Variants in SCTR observed in about 807,000 individuals in gnomAD.
SCTR encodes the protein pancreatic secretin receptor.
In SCTR, 56 loss-of-function variants were observed where a neutral mutation model predicts 60.8. The observed-to-expected ratio is 0.92, with a 90% CI of 0.74 to 1.15. The LOEUF (loss-of-function observed/expected upper bound fraction) is 1.15, where lower values mean the gene tolerates loss of function less well. SCTR is among the 50% of genes most tolerant of loss of function. The probability of loss-of-function intolerance (pLI) is 0.00; values close to 1 mark genes in which losing one functional copy is unlikely to be tolerated. For synonymous variants in SCTR, 202 were observed against 217.0 expected, an observed-to-expected ratio of 0.93 and a Z score of 0.61; for missense variants, 562 against 550.4, an observed-to-expected ratio of 1.02 and a Z score of -0.21.
At position 119,444,348 on chromosome 2, in the gene SCTR, T is replaced by C. The variant is rs557626612; in HGVS notation, c.1140+2411A>G. On this transcript the variant is annotated intron_variant, in intron 11 of 12. Coordinates refer to ENST00000019103, the MANE Select transcript of SCTR (RefSeq NM_002980.3). The stretch of plus-strand genomic sequence containing the variant: ...ACGTATGAATATATATACACATATA[T>C]ACGTATGAATATATATACACATATA... Among the ~76,000 whole-genome samples the C allele has an allele frequency of 6.1e-5, 9 of 148,386 alleles. 1 individual carries two copies. The highest frequency in any genetic ancestry group is 1.7e-4 in the African/African-American group (7 of 40,826).
intron 9 of SCTR, among the ~76,000 whole-genome samples, chr2:119,451,462 G>A (rs558798892): frequency 2.6e-4 from 39 of 152,270 alleles, no homozygotes; most frequent in African/African-American, 8.9e-4. Flanking sequence ...GGGCCACCAG[G>A]GTTGACACTC....
intron 7 of SCTR, 150 bp from the exon 8 acceptor site, chr2:119,453,497 A>G: frequency 7.5e-6 from 5 of 671,012 alleles, no homozygotes; most frequent in Non-Finnish European, 1.3e-5. Context: ...ATCTTGTGCC[A>G]TCTTGTGTGA....
intron 1 of SCTR, among the ~76,000 whole-genome samples, chr2:119,515,859 G>A (rs1321976053): frequency 6.6e-6 from 1 of 152,212 alleles, no homozygotes; most frequent in Admixed American, 6.5e-5. Flanking sequence ...TAGTGTCTCA[G>A]TGTAACTATT....
chr2:119,472,825 G>C (rs1677082099), intron 4 of SCTR, among the ~76,000 whole-genome samples: 2 of 152,028 alleles, frequency 1.3e-5, no homozygotes, highest in Admixed American at 1.3e-4. Flanking sequence ...AACATTTTTT[G>C]TAGATCCAAT....
At chr2:119,446,046 G>A (rs972192393) in intron 11 of SCTR, among the ~76,000 whole-genome samples, 2 of 152,186 alleles carry the variant, frequency 1.3e-5, no homozygotes, top group African/African-American at 4.8e-5. Context: ...GGCTCCCTCT[G>A]CCCAAACACG....
intron 7 of SCTR, among the ~76,000 whole-genome samples, chr2:119,453,743 G>A (rs1683264281): frequency 2.0e-5 from 3 of 152,216 alleles, no homozygotes. Flanking sequence ...CAGCGGGGAG[G>A]AGGAAGTGGA....
intron 12 of SCTR, among the ~76,000 whole-genome samples, chr2:119,441,308 A>C (rs1682647142): frequency 6.6e-6 from 1 of 152,222 alleles, no homozygotes; most frequent in Non-Finnish European, 1.5e-5. Context: ...CCCAGTCCAG[A>C]CCTACAGAAT....
chr2:119,497,203 G>A (rs747991387), intron 1 of SCTR, among the ~76,000 whole-genome samples: 3 of 152,114 alleles, frequency 2.0e-5, no homozygotes, highest in Non-Finnish European at 4.4e-5. Context: ...TGTGTGTGGA[G>A]CTGATACTCC....
intron 11 of SCTR, among the ~76,000 whole-genome samples, chr2:119,446,448 C>T (rs945293122): frequency 1.3e-4 from 20 of 152,160 alleles, no homozygotes; most frequent in African/African-American, 4.3e-4. Context: ...TGGCCATCCG[C>T]GCTTACGTTA....
intron 1 of SCTR, among the ~76,000 whole-genome samples, chr2:119,515,391 C>T (rs1214660396): frequency 6.6e-6 from 1 of 152,204 alleles, no homozygotes; most frequent in Non-Finnish European, 1.5e-5. Flanking sequence ...GTCAACTTGA[C>T]TGGATTAAGG....
At chr2:119,447,129 A>G (rs1449070730) in intron 10 of SCTR, among the ~76,000 whole-genome samples, 1 of 151,936 alleles carries the variant, frequency 6.6e-6, no homozygotes, top group African/African-American at 2.4e-5. Context: ...CACCTCCATC[A>G]GTAAAAAGAA....
chr2:119,482,815 G>T (rs1462661783), intron 2 of SCTR, among the ~76,000 whole-genome samples: 1 of 152,156 alleles, frequency 6.6e-6, no homozygotes, highest in Non-Finnish European at 1.5e-5. Flanking sequence ...GTGTCTCCGT[G>T]CTGACCTAGC....
At chr2:119,521,692 C>T (rs890621949) in intron 1 of SCTR, among the ~76,000 whole-genome samples, 10 of 152,114 alleles carry the variant, frequency 6.6e-5, no homozygotes, top group African/African-American at 2.4e-4. Flanking sequence ...ACTGACCCCC[C>T]TCCATTGGGA....
At chr2:119,442,755 C>T (rs767615821) in intron 11 of SCTR, among the ~76,000 whole-genome samples, 7 of 152,120 alleles carry the variant, frequency 4.6e-5, no homozygotes, top group Admixed American at 1.3e-4. Flanking sequence ...CCAGGTTGCA[C>T]TCCCCAGATC....
At chr2:119,495,288 A>G (rs1487294694) in intron 1 of SCTR, among the ~76,000 whole-genome samples, 1 of 152,240 alleles carries the variant, frequency 6.6e-6, no homozygotes, top group African/African-American at 2.4e-5. Flanking sequence ...GTTCTTTAAA[A>G]TGTACACTTA....
At chr2:119,509,678 A>G (rs1214477802) in intron 1 of SCTR, among the ~76,000 whole-genome samples, 1 of 152,140 alleles carries the variant, frequency 6.6e-6, no homozygotes, top group African/African-American at 2.4e-5. Context: ...CATAAAATTT[A>G]CCATTTTAAC....
chr2:119,495,224 T>C (rs1381279562), intron 1 of SCTR, among the ~76,000 whole-genome samples: 3 of 152,182 alleles, frequency 2.0e-5, no homozygotes, highest in Non-Finnish European at 2.9e-5. Flanking sequence ...ACTCCTGGGA[T>C]TATAGGCATG....
intron 1 of SCTR, among the ~76,000 whole-genome samples, chr2:119,511,877 G>A (rs1678958121): frequency 6.6e-6 from 1 of 152,022 alleles, no homozygotes; most frequent in Admixed American, 6.5e-5. Context: ...TAACAATTTG[G>A]GTAGAAAATA....
intron 1 of SCTR, among the ~76,000 whole-genome samples, chr2:119,500,300 G>A (rs1678500449): frequency 6.6e-6 from 1 of 152,132 alleles, no homozygotes; most frequent in Admixed American, 6.5e-5. Context: ...AGCTATTATG[G>A]AAAACAGTAT....
Sources: allele counts gnomAD v4.1 joint callset (sites outside exome capture counted in the v4.1 genomes callset), GRCh38; gene constraint gnomAD v4.1.1; transcripts MANE v1.5; gene names NCBI Gene and HGNC (gene_info 2026-07-23, HGNC 2026-07-21).